HSPG2: variants seen among roughly 807,000 people sequenced by gnomAD.
The protein encoded by HSPG2 is basement membrane-specific heparan sulfate proteoglycan core protein.
A neutral mutation model predicts 526.6 loss-of-function variants in HSPG2; 278 were observed. The ratio of observed to expected loss-of-function variants is 0.53; its 90% CI spans 0.48 to 0.58. The LOEUF is 0.58. Among genes scored for constraint, HSPG2 ranks in the 20% least tolerant of loss-of-function variants. The probability of loss-of-function intolerance (pLI) is 0.00; values close to 1 mark genes in which losing one functional copy is unlikely to be tolerated. For synonymous variants in HSPG2, 2,465 were observed against 2,555.4 expected, an observed-to-expected ratio of 0.96 and a Z score of 1.07; for missense variants, 5,354 against 6,099.5, an observed-to-expected ratio of 0.88 and a Z score of 4.07.
Position 21,865,766 on chromosome 1 carries a change from G to C in HSPG2, c.4265C>G (p.Thr1422Arg), listed in dbSNP as rs1211179482. 6.2e-7 allele frequency: 1 copy of C among 1,613,814 alleles called. No homozygotes were observed. The highest frequency in any genetic ancestry group is 1.3e-5 in the African/African-American group (1 of 74,934). The change falls in exon 34 of 97, where the codon ACA becomes AGA. Residue 1422 changes from threonine (T) to arginine (R), a missense_variant. By Grantham distance (71) the Thr-to-Arg change is moderately conservative. Coordinates refer to ENST00000374695, the MANE Select transcript of HSPG2 (RefSeq NM_005529.7). The surrounding 1 kb of genome is among the most constrained non-coding windows in gnomAD (Gnocchi z 5.4). ...GGKLRYTLSY[T>R]AGPQGSPLSD... ...GAGTGGGCTGCCCTGTGGGCCTGCT[G>C]TGTAGGAGAGGGTGTATCGCAACTT... is the stretch of plus-strand genomic sequence containing the variant.
At position 21,857,958 on chromosome 1, in the gene HSPG2, T is replaced by C. The variant is rs759969440; in HGVS notation, c.5294-573A>G. On this transcript the variant is annotated intron_variant, in intron 42 of 96. Coordinates refer to ENST00000374695, the MANE Select transcript of HSPG2 (RefSeq NM_005529.7). ...AGTGCCACCCCTCCCCGGGGCTTCT[T>C]CTGCTCTCGCAACATCAGCGTCTCC... is the stretch of plus-strand genomic sequence containing the variant. 5.4e-4 allele frequency among the ~76,000 whole-genome samples: 82 copies of C among 152,186 alleles called. 1 individual carries two copies. Among genetic ancestry groups the C allele is most frequent in the Non-Finnish European group, 1.0e-4 (7 of 68,032 alleles).
chr1:21,936,615 T>C lies in HSPG2; in HGVS notation c.63+540A>G, dbSNP rs760553165. 7.2e-5 allele frequency among the ~76,000 whole-genome samples: 11 copies of C among 152,258 alleles called. No individual in the cohort carries two copies. In the South Asian group the frequency reaches 1.0e-3, roughly 14 times the overall value. On this transcript the variant is annotated intron_variant, in intron 1 of 96. Transcript: ENST00000374695. ...TGATTCAACTCTTCGGCTGTATGAC[T>C]CCAAGGCCCGTGGGTGTTCCACACA...
chr1:21,848,052 T>C lies in HSPG2; in HGVS notation c.7779A>G (p.Ala2593=). The change falls in exon 60 of 97, where the codon GCA becomes GCG. Residue 2593 remains alanine, a synonymous_variant. Transcript: ENST00000374695. This position sits in a 1 kb window ranked among gnomAD's most constrained non-coding sequence, Gnocchi z 4.9. ...SRLRIPQVTP[A]DSGEYVCHVS... The stretch of plus-strand genomic sequence containing the variant: ...CGTGACACACGTACTCGCCCGAGTC[T>C]GCCGGAGTCACCTGAGGGATCCGCA... 1 of 1,613,022 alleles carries C rather than the reference T, an allele frequency of 6.2e-7. No homozygotes were observed. Among genetic ancestry groups the C allele is most frequent in the Non-Finnish European group, 8.5e-7 (1 of 1,179,818 alleles).
Position 21,872,084 on chromosome 1 carries a change from G to A in HSPG2, c.4221+102C>T, listed in dbSNP as rs1205352435. 6 of 1,296,042 alleles carry A rather than the reference G, an allele frequency of 4.6e-6. No individual in the cohort carries two copies. The highest frequency in any genetic ancestry group is 1.5e-5 in the African/African-American group (1 of 67,886). The allele number at this position is 1,296,042 out of a possible 1,614,324, so 80.3% of individuals were successfully genotyped here. ...CTGCAAAAGCCACGTGCCTAACCAC[G>A]ATATGGCCATGCAGGTGGCAGGTGC... On this transcript the variant is annotated intron_variant, in intron 33 of 96. Coordinates refer to ENST00000374695, the MANE Select transcript of HSPG2 (RefSeq NM_005529.7). The surrounding 1 kb of genome is among the most constrained non-coding windows in gnomAD (Gnocchi z 5.5).
rs751584945 is a variant in HSPG2, at chr1:21,890,546, C to T, written c.354+39G>A. ...CTTCACCCCATCCTCGGTCCTGCCC[C>T]GCCACACCCGCGAGCTTCCCAAACC... On this transcript the variant is annotated intron_variant, in intron 4 of 96. Coordinates refer to ENST00000374695, the MANE Select transcript of HSPG2 (RefSeq NM_005529.7). The surrounding 1 kb of genome is among the most constrained non-coding windows in gnomAD (Gnocchi z 4.1). 4.7e-5 allele frequency: 76 copies of T among 1,609,066 alleles called. No individual in the cohort carries two copies. The highest frequency in any genetic ancestry group is 6.7e-5 in the Admixed American group (4 of 60,004).
intron 39 of HSPG2, 47 bp from the exon 40 acceptor site, chr1:21,860,282 A>T: frequency 6.4e-7 from 1 of 1,565,098 alleles, no homozygotes; most frequent in Non-Finnish European, 8.7e-7. Context: ...CAAGGGCCCC[A>T]GTGCCTCATG....
At chr1:21,907,053 A>G (rs1423175692) in intron 1 of HSPG2, among the ~76,000 whole-genome samples, 1 of 152,042 alleles carries the variant, frequency 6.6e-6, no homozygotes, top group East Asian at 1.9e-4. Flanking sequence ...GACACCTGTC[A>G]CCTGAGAAAT....
At chr1:21,889,120 T>C (rs571194814) in intron 6 of HSPG2, among the ~76,000 whole-genome samples, 50 of 152,228 alleles carry the variant, frequency 3.3e-4, no homozygotes, top group African/African-American at 1.1e-3. Context: ...AGGGAGGTGA[T>C]GGTTTCACTG....
chr1:21,875,829 C>T (rs115910529), intron 24 of HSPG2, 34 bp downstream of exon 24: 317 of 1,611,254 alleles, frequency 2.0e-4, no homozygotes, highest in Non-Finnish European at 2.5e-4. Flanking sequence ...AGGGCCTGCC[C>T]GCACCCCTAC....
chr1:21,855,492 C>G (rs1461480867), intron 46 of HSPG2, 31 bp downstream of exon 46: 1 of 1,611,952 alleles, frequency 6.2e-7, no homozygotes, highest in East Asian at 2.2e-5. Context: ...TGAGCACACT[C>G]CCGGCCCCCA....
chr1:21,843,236 A>C (rs1379161264), intron 66 of HSPG2, 61 bp downstream of exon 66: 16 of 1,606,090 alleles, frequency 1.0e-5, no homozygotes, highest in African/African-American at 1.3e-5. Flanking sequence ...GGAGAGGAGC[A>C]GAGCTGGGAA....
chr1:21,879,490 A>G (rs1641338317), intron 17 of HSPG2, among the ~76,000 whole-genome samples: 1 of 152,136 alleles, frequency 6.6e-6, no homozygotes, highest in South Asian at 2.1e-4. Context: ...CCACAATCCC[A>G]GCTCTCGCCA....
chr1:21,851,133 C>T (rs1432664436), intron 55 of HSPG2, among the ~76,000 whole-genome samples: 4 of 152,004 alleles, frequency 2.6e-5, no homozygotes, highest in Non-Finnish European at 2.9e-5. Context: ...CCACTATGCC[C>T]GGCTAATTTT....
At chr1:21,870,254 C>T (rs1449159950) in intron 33 of HSPG2, 3 of 986,050 alleles carry the variant, frequency 3.0e-6, no homozygotes, top group Non-Finnish European at 3.6e-6. Flanking sequence ...TCTGGGGGCT[C>T]TGGGATCCTC....
chr1:21,880,279 C>A, intron 16 of HSPG2, 25 bp from the exon 17 acceptor site: 1 of 1,614,078 alleles, frequency 6.2e-7, no homozygotes, highest in South Asian at 1.1e-5. Context: ...CCAAAAGAGT[C>A]GCTGCAAGGA....
At chr1:21,849,738 G>A (rs962000991) in intron 57 of HSPG2, among the ~76,000 whole-genome samples, 26 of 151,812 alleles carry the variant, frequency 1.7e-4, no homozygotes, top group African/African-American at 5.3e-4. Context: ...GGAGTGCAAC[G>A]GCACGATCTC....
At chr1:21,906,660 G>C (rs1034102400) in intron 1 of HSPG2, among the ~76,000 whole-genome samples, 3 of 150,736 alleles carry the variant, frequency 2.0e-5, no homozygotes, top group African/African-American at 4.9e-5. Flanking sequence ...ATCTGGGAAA[G>C]GCTGGTTACA....
rs775059353 is a variant in HSPG2, at chr1:21,854,168, G to C, written c.6439+25C>G. The C allele has an allele frequency of 8.4e-6, 13 of 1,554,674 alleles. No homozygotes were observed. The East Asian group carries it at 2.2e-4, about 26-fold the overall frequency. On this transcript the variant is annotated intron_variant, in intron 50 of 96. Transcript: ENST00000374695. ...TTGGGAGCTCCTAGGGCTCAGCCCC[G>C]GCCCAGCCACACCTGGCTCCTCACC...
At chr1:21,853,751 A>AAAATAAAAT (rs1639099819) in intron 50 of HSPG2, 1 of 148,052 alleles carries the variant, frequency 6.8e-6, no homozygotes, top group Admixed American at 7.8e-5. Flanking sequence ...TCTCTCTCAA[A>AAAATAAAAT]AAAATAAAAT....
Sources: gnomAD v4.1 joint callset for allele counts (sites outside exome capture counted in the v4.1 genomes callset) on GRCh38, gnomAD v4.1.1 for gene constraint, Gnocchi (gnomAD v3.1) non-coding constraint, MANE v1.5 for transcripts, NCBI Gene and HGNC (gene_info 2026-07-23, HGNC 2026-07-21) for gene names.